SEMA5B: variants seen among roughly 807,000 people sequenced by gnomAD.
SEMA5B encodes the protein semaphorin-5B.
In SEMA5B, 66 loss-of-function variants were observed where a neutral mutation model predicts 135.0. The observed-to-expected ratio is 0.49, with a 90% CI of 0.40 to 0.60. SEMA5B has a LOEUF of 0.60. Among genes scored for constraint, SEMA5B ranks in the 20% least tolerant of loss-of-function variants. The pLI, the probability that SEMA5B is intolerant of heterozygous loss-of-function variation, is 0.00. For synonymous variants in SEMA5B, 690 were observed against 639.5 expected, an observed-to-expected ratio of 1.08 and a Z score of -1.19; for missense variants, 1,501 against 1,566.3, an observed-to-expected ratio of 0.96 and a Z score of 0.70.
At chr3:122,996,022 A>G (rs904278667) in intron 1 of SEMA5B, among the ~76,000 whole-genome samples, 15 of 152,238 alleles carry the variant, frequency 9.9e-5, no homozygotes, top group Non-Finnish European at 2.1e-4. Flanking sequence ...ACCTCAGAAC[A>G]CAGCCTGAGA....
In SEMA5B at chr3:122,910,886, C is replaced by T; in HGVS notation, c.3251G>A (p.Gly1084Asp). The T allele has an allele frequency of 6.2e-7, 1 of 1,613,252 alleles. No homozygotes were observed. The highest frequency in any genetic ancestry group is 8.5e-7 in the Non-Finnish European group (1 of 1,179,966). Residue 1084 changes from glycine to aspartate, a missense_variant, in exon 22 of 23, where the codon GGC becomes GAC. By Grantham distance (94) the Gly-to-Asp change is moderately conservative. This residue lies in a region of SEMA5B where 927 missense variants were observed against 881.6 expected (regional missense o/e 1.05). Coordinates refer to ENST00000357599, the MANE Select transcript of SEMA5B (RefSeq NM_001031702.4). ...CTTTTCATTCTTCGGGGTGCCTCCGCCCTTGTAGTGCAAATGGTTGGGGGT... is the reference window on the plus strand; with the variant it reads ...CTTTTCATTCTTCGGGGTGCCTCCGTCCTTGTAGTGCAAATGGTTGGGGGT... ...PATPNHLHYK[G>D]GGTPKNEKYT...
At chr3:122,989,115 G>A (rs555856227) in intron 1 of SEMA5B, among the ~76,000 whole-genome samples, 1 of 152,178 alleles carries the variant, frequency 6.6e-6, no homozygotes, top group South Asian at 2.1e-4. Context: ...CAATCTTTTT[G>A]CATCTAACCA....
At chr3:123,015,170 G>C (rs1942528790) in intron 1 of SEMA5B, among the ~76,000 whole-genome samples, 1 of 152,198 alleles carries the variant, frequency 6.6e-6, no homozygotes, top group Non-Finnish European at 1.5e-5. Context: ...TCAGACTTCT[G>C]GCCTCCAGGA....
chr3:122,980,393 G>A (rs1411946951), intron 1 of SEMA5B, among the ~76,000 whole-genome samples: 1 of 151,806 alleles, frequency 6.6e-6, no homozygotes, highest in Non-Finnish European at 1.5e-5. Flanking sequence ...CCAGGAGGTG[G>A]AGGTTGTGGT....
chr3:122,959,105 C>T (rs543327781), intron 2 of SEMA5B, among the ~76,000 whole-genome samples: 5 of 152,138 alleles, frequency 3.3e-5, no homozygotes, highest in Admixed American at 6.5e-5. Flanking sequence ...AGGGAGCTCG[C>T]GGCAGAGACT....
chr3:122,925,274 G>A (rs1938565351), intron 9 of SEMA5B, among the ~76,000 whole-genome samples: 1 of 151,918 alleles, frequency 6.6e-6, no homozygotes, highest in South Asian at 2.1e-4. Flanking sequence ...TCTATATCAG[G>A]GTGTCCAATC....
intron 1 of SEMA5B, among the ~76,000 whole-genome samples, chr3:123,023,450 C>CT (rs1560456493): frequency 6.6e-6 from 1 of 152,112 alleles, no homozygotes; most frequent in Non-Finnish European, 1.5e-5. Context: ...GTATAAGTAA[C>CT]ACTCCCTCCA....
chr3:122,972,552 T>A (rs764712746), intron 1 of SEMA5B, among the ~76,000 whole-genome samples: 1 of 152,208 alleles, frequency 6.6e-6, no homozygotes, highest in African/African-American at 2.4e-5. Flanking sequence ...GTGCTATTAT[T>A]TGACTTTACT....
intron 2 of SEMA5B, among the ~76,000 whole-genome samples, chr3:122,949,104 A>T (rs991133866): frequency 6.6e-6 from 1 of 152,226 alleles, no homozygotes; most frequent in African/African-American, 2.4e-5. Context: ...AAATAGACAA[A>T]AGATTTCAAT....
At chr3:122,966,759 C>T (rs1015230751) in intron 1 of SEMA5B, among the ~76,000 whole-genome samples, 1 of 150,244 alleles carries the variant, frequency 6.7e-6, no homozygotes, top group African/African-American at 2.4e-5. Context: ...GGGGTTTCAC[C>T]ATGTTAGCCA....
chr3:123,027,790 G>C (rs1942839775), upstream of SEMA5B: 1 of 152,482 alleles, frequency 6.6e-6, no homozygotes, highest in Non-Finnish European at 1.5e-5. Context: ...CAGAAGGAGG[G>C]AGGGGGCGGT....
intron 2 of SEMA5B, among the ~76,000 whole-genome samples, chr3:122,952,978 G>T (rs941228289): frequency 7.2e-5 from 11 of 152,090 alleles, no homozygotes; most frequent in African/African-American, 2.7e-4. Context: ...ATCCCATATG[G>T]TTCCCAAACC....
rs1938031280 is a variant in SEMA5B, at chr3:122,915,621, C to T, written c.1807G>A (p.Val603Met). ...CCCCCATCCCGTGTCACATTCCGCA[C>T]CTGAAGACACACATGGGAGACAGTA... is the stretch of plus-strand genomic sequence containing the variant. ...LWTQNITACP[V>M]RNVTRDGGFG... Residue 603 changes from valine to methionine, a missense_variant and splice_region_variant, in exon 14 of 23, where the codon GTG becomes ATG. By Grantham distance (21) the Val-to-Met change is conservative. Coordinates refer to ENST00000357599, the MANE Select transcript of SEMA5B (RefSeq NM_001031702.4). 6.2e-7 allele frequency: 1 copy of T among 1,609,926 alleles called. No individual in the cohort carries two copies. The highest frequency in any genetic ancestry group is 1.3e-5 in the African/African-American group (1 of 74,846).
At chr3:122,997,739 A>G (rs1444085506) in intron 1 of SEMA5B, among the ~76,000 whole-genome samples, 1 of 152,078 alleles carries the variant, frequency 6.6e-6, no homozygotes, top group Non-Finnish European at 1.5e-5. Flanking sequence ...GGGAAAAGTC[A>G]AGGTCTGTGT....
intron 1 of SEMA5B, among the ~76,000 whole-genome samples, chr3:122,978,691 G>A (rs1295713668): frequency 6.6e-6 from 1 of 152,074 alleles, no homozygotes; most frequent in Non-Finnish European, 1.5e-5. Context: ...AGCCTCCAGG[G>A]GTGGAGAGGC....
intron 9 of SEMA5B, among the ~76,000 whole-genome samples, chr3:122,924,134 A>G (rs753348052): frequency 9.2e-5 from 14 of 152,166 alleles, no homozygotes; most frequent in Non-Finnish European, 1.9e-4. Context: ...ACCCTTACTA[A>G]ATATGTTAAC....
rs1234476047 is a variant in SEMA5B, at chr3:122,921,918, T to G, written c.1685A>C (p.Gln562Pro). Reference protein sequence around the residue: ...PLERCAAYRSQGACLGARDPY... With the variant: ...PLERCAAYRSPGACLGARDPY... ...GAGCCGCCCCGTCCCGGCTTACCCC[T>G]GGCTGCGGTAGGCGGCGCACCTCTC... Residue 562 changes from glutamine (Q) to proline (P), a missense_variant, in exon 12 of 23, where the codon CAG (glutamine) becomes CCG (proline). By Grantham distance (76) the Gln-to-Pro change is moderately conservative. This residue lies in a region of SEMA5B where 927 missense variants were observed against 881.6 expected (regional missense o/e 1.05). Coordinates refer to ENST00000357599, the MANE Select transcript of SEMA5B (RefSeq NM_001031702.4). The G allele has an allele frequency of 6.5e-7, 1 of 1,532,398 alleles. No individual in the cohort carries two copies. The highest frequency in any genetic ancestry group is 2.5e-5 in the East Asian group (1 of 40,640). 94.9% of individuals were successfully genotyped at this position (1,532,398 alleles called of 1,614,324 possible).
chr3:122,985,314 A>G (rs1941664941), intron 1 of SEMA5B, among the ~76,000 whole-genome samples: 1 of 152,122 alleles, frequency 6.6e-6, no homozygotes, highest in South Asian at 2.1e-4. Flanking sequence ...GCAATATAGC[A>G]AGACCCTGTC....
intron 5 of SEMA5B, 129 bp from the exon 6 acceptor site, chr3:122,929,187 G>T (rs972986785): frequency 9.5e-6 from 8 of 843,622 alleles, no homozygotes; most frequent in Admixed American, 8.5e-5. Flanking sequence ...GGTCTGCAGG[G>T]TGAGGGCTCC....
Sources: gnomAD v4.1 joint callset for allele counts (sites outside exome capture counted in the v4.1 genomes callset) on GRCh38, gnomAD v4.1.1 for gene constraint, gnomAD v4.1.1 regional missense constraint, MANE v1.5 for transcripts, NCBI Gene and HGNC (gene_info 2026-07-23, HGNC 2026-07-21) for gene names.